Variants in HS3ST4 observed in about 807,000 individuals in gnomAD.
HS3ST4 encodes the protein heparan sulfate glucosamine 3-O-sulfotransferase 4.
Under a neutral mutation model 29.2 loss-of-function variants are expected in HS3ST4, and 17 were observed. The ratio of observed to expected loss-of-function variants is 0.58; its 90% CI spans 0.40 to 0.87. HS3ST4 has a LOEUF of 0.87. Among genes scored for constraint, HS3ST4 ranks in the 40% least tolerant of loss-of-function variants. The probability of loss-of-function intolerance (pLI) is 0.00; values close to 1 mark genes in which losing one functional copy is unlikely to be tolerated. For synonymous variants in HS3ST4, 314 were observed against 285.7 expected (o/e 1.10, Z -1.00); for missense variants, 627 against 634.5 (o/e 0.99, Z 0.13).
chr16:26,061,542 A>G (rs550552274), intron 1 of HS3ST4, among the ~76,000 whole-genome samples: 1 of 152,326 alleles, frequency 6.6e-6, no homozygotes, highest in African/African-American at 2.4e-5. Flanking sequence ...GAAGCTGTGG[A>G]ACTTGGCCTA....
intron 1 of HS3ST4, among the ~76,000 whole-genome samples, chr16:25,989,860 TAGTC>T (rs1969099326): frequency 6.6e-6 from 1 of 152,210 alleles, no homozygotes; most frequent in African/African-American, 2.4e-5. Flanking sequence ...CGCTATAAAG[TAGTC>T]AGTTTGTTAA....
chr16:26,010,766 G>A (rs767348118), intron 1 of HS3ST4, among the ~76,000 whole-genome samples: 1 of 152,186 alleles, frequency 6.6e-6, no homozygotes, highest in African/African-American at 2.4e-5. Flanking sequence ...CACAGAGGAG[G>A]CCATGTCTCA....
intron 1 of HS3ST4, among the ~76,000 whole-genome samples, chr16:25,817,882 A>G (rs917011475): frequency 4.6e-5 from 7 of 152,214 alleles, no homozygotes; most frequent in Non-Finnish European, 8.8e-5. Context: ...TCACAATCAC[A>G]TATTTGTTAC....
At chr16:25,804,810 A>G (rs142757192) in intron 1 of HS3ST4, among the ~76,000 whole-genome samples, 2 of 152,238 alleles carry the variant, frequency 1.3e-5, no homozygotes, top group East Asian at 3.9e-4. Context: ...AGACCTTGTA[A>G]GACTATTGTA....
intron 1 of HS3ST4, among the ~76,000 whole-genome samples, chr16:25,772,742 G>T (rs543530704): frequency 2.0e-4 from 31 of 152,158 alleles, no homozygotes; most frequent in African/African-American, 7.0e-4. Context: ...GGAATTCAGC[G>T]CTTCTAACTG....
intron 1 of HS3ST4, among the ~76,000 whole-genome samples, chr16:26,111,942 G>A (rs566379936): frequency 1.2e-3 from 176 of 151,754 alleles, no homozygotes; most frequent in African/African-American, 3.9e-3. Flanking sequence ...TCCTGAACCC[G>A]GGAGGCGGAG....
At chr16:25,726,472 A>G (rs1029529981) in intron 1 of HS3ST4, among the ~76,000 whole-genome samples, 1 of 152,202 alleles carries the variant, frequency 6.6e-6, no homozygotes, top group Non-Finnish European at 1.5e-5. Flanking sequence ...ACACATACAC[A>G]CACAGACCCC....
rs184386107 is a variant in HS3ST4, at chr16:26,051,939, G to A, written c.735-83673G>A. On this transcript the variant is annotated intron_variant, in intron 1 of 1. Coordinates refer to ENST00000331351, the MANE Select transcript of HS3ST4 (RefSeq NM_006040.3). ...CTTCCTTCCTTCCTTCCTTCCTTCCGTCCTTCCTTCCTTCCTTCCTTCCTC... is the reference window on the plus strand; with the variant it reads ...CTTCCTTCCTTCCTTCCTTCCTTCCATCCTTCCTTCCTTCCTTCCTTCCTC... Among the ~76,000 whole-genome samples the A allele has an allele frequency of 7.5e-5, 8 of 107,140 alleles. No homozygotes were observed. The East Asian group carries it at 9.8e-4, about 13-fold the overall frequency. 70.3% of individuals were successfully genotyped at this position (107,140 alleles called of 152,430 possible).
intron 1 of HS3ST4, among the ~76,000 whole-genome samples, chr16:25,980,035 C>T (rs1306981518): frequency 6.6e-6 from 1 of 152,218 alleles, no homozygotes; most frequent in Admixed American, 6.5e-5. Context: ...CTACCTCCGT[C>T]CTGGTCTTCC....
chr16:26,088,155 A>G (rs1457002612), intron 1 of HS3ST4, among the ~76,000 whole-genome samples: 1 of 152,094 alleles, frequency 6.6e-6, no homozygotes, highest in African/African-American at 2.4e-5. Flanking sequence ...CCGGCATGCT[A>G]TGGCTGCATA....
intron 1 of HS3ST4, among the ~76,000 whole-genome samples, chr16:26,016,454 G>A (rs1969363118): frequency 6.6e-6 from 1 of 152,198 alleles, no homozygotes; most frequent in Middle Eastern, 3.2e-3. Flanking sequence ...ATACCAAGGA[G>A]AATGTTTCCA....
chr16:26,037,701 G>C (rs1353326525), intron 1 of HS3ST4, among the ~76,000 whole-genome samples: 1 of 152,158 alleles, frequency 6.6e-6, no homozygotes, highest in Non-Finnish European at 1.5e-5. Context: ...CAGGTACCTA[G>C]GTATGTGGTA....
intron 1 of HS3ST4, among the ~76,000 whole-genome samples, chr16:25,906,236 A>G (rs1256509349): frequency 6.6e-6 from 1 of 152,002 alleles, no homozygotes; most frequent in Admixed American, 6.6e-5. Flanking sequence ...TCACTTTTTC[A>G]CTTTTAATCT....
intron 1 of HS3ST4, among the ~76,000 whole-genome samples, chr16:26,063,962 A>G (rs551292478): frequency 2.0e-5 from 3 of 152,304 alleles, no homozygotes; most frequent in East Asian, 3.9e-4. Context: ...CAGGGAAACA[A>G]CTAAAACACT....
rs572879871 is a variant in HS3ST4, at chr16:25,726,648, C to T, written c.734+33497C>T. On this transcript the variant is annotated intron_variant, in intron 1 of 1. Coordinates refer to ENST00000331351, the MANE Select transcript of HS3ST4 (RefSeq NM_006040.3). ...CTGGATATGCCCTTGTTCTCCCTGC[C>T]CTCACATATGAAAACCATATTCTTT... 8.8e-4 allele frequency among the ~76,000 whole-genome samples: 134 copies of T among 152,262 alleles called. 4 individuals carry two copies. The South Asian group carries it at 0.027, about 31-fold the overall frequency.
intron 1 of HS3ST4, among the ~76,000 whole-genome samples, chr16:25,696,146 A>G: frequency 6.6e-6 from 1 of 152,236 alleles, no homozygotes; most frequent in East Asian, 1.9e-4. Context: ...GTTAAAATCT[A>G]CAGAGAAGCG....
At chr16:25,989,459 C>A (rs1045108076) in intron 1 of HS3ST4, among the ~76,000 whole-genome samples, 1 of 152,142 alleles carries the variant, frequency 6.6e-6, no homozygotes, top group South Asian at 2.1e-4. Flanking sequence ...AGGAAAGGTC[C>A]GATGGATTTC....
intron 1 of HS3ST4, among the ~76,000 whole-genome samples, chr16:25,901,696 A>ATC (rs10687956): frequency 0.79 from 120,531 of 151,902 alleles, 47,928 homozygotes; most frequent in African/African-American, 0.83. Context: ...ATGCTCTCTC[A>ATC]TCTTTCTTCT....
chr16:25,812,146 T>A (rs771155143), intron 1 of HS3ST4, among the ~76,000 whole-genome samples: 1 of 152,200 alleles, frequency 6.6e-6, no homozygotes, highest in Non-Finnish European at 1.5e-5. Context: ...CAGATTTTGT[T>A]TTGATCATTT....
Sources: gnomAD v4.1 joint callset for allele counts (sites outside exome capture counted in the v4.1 genomes callset) on GRCh38, gnomAD v4.1.1 for gene constraint, MANE v1.5 for transcripts, NCBI Gene and HGNC (gene_info 2026-07-23, HGNC 2026-07-21) for gene names.